Variants in BCAS3 observed in about 807,000 individuals in gnomAD.
BCAS3 encodes BCAS4/BCAS3 fusion.
Under a neutral mutation model 116.1 loss-of-function variants are expected in BCAS3, and 53 were observed. That is an observed-to-expected ratio of 0.46 (90% CI 0.37 to 0.57). The LOEUF (loss-of-function observed/expected upper bound fraction) is 0.57, where lower values mean the gene tolerates loss of function less well. BCAS3 is among the 20% of genes least tolerant of loss of function. The pLI, the probability that BCAS3 is intolerant of heterozygous loss-of-function variation, is 0.00. For synonymous variants in BCAS3, 391 were observed against 408.2 expected, an observed-to-expected ratio of 0.96 and a Z score of 0.51; for missense variants, 917 against 1,165.4, an observed-to-expected ratio of 0.79 and a Z score of 3.10.
intron 9 of BCAS3, among the ~76,000 whole-genome samples, chr17:60,877,662 T>G (rs1221659911): frequency 6.6e-6 from 1 of 152,218 alleles, no homozygotes; most frequent in Non-Finnish European, 1.5e-5. Context: ...TCTAGAGGGA[T>G]CAACAGTGTT....
At chr17:61,236,372 T>C (rs757515154) in intron 22 of BCAS3, among the ~76,000 whole-genome samples, 1 of 152,216 alleles carries the variant, frequency 6.6e-6, no homozygotes, top group East Asian at 1.9e-4. Context: ...CAGGCTGGAG[T>C]GCAGCGGTGT....
In BCAS3 at chr17:61,203,965, C is replaced by T. The variant is rs763393152; in HGVS notation, c.2425+119401C>T. On this transcript the variant is annotated intron_variant, in intron 22 of 23. Coordinates refer to ENST00000407086, the MANE Select transcript of BCAS3 (RefSeq NM_017679.5). The surrounding 1 kb of genome is among the most constrained non-coding windows in gnomAD (Gnocchi z 5.7). ...GGGGTTCAAGCTGGGAGGCAGTGCC[C>T]GGCCCCCTTCTTTCACAGCTGGGGT... Among the ~76,000 whole-genome samples the T allele has an allele frequency of 1.1e-4, 16 of 152,274 alleles. No individual in the cohort carries two copies. Among genetic ancestry groups the T allele is most frequent in the South Asian group, 6.2e-4 (3 of 4,822 alleles).
intron 13 of BCAS3, among the ~76,000 whole-genome samples, chr17:60,926,670 T>C (rs2059380915): frequency 6.6e-6 from 1 of 152,212 alleles, no homozygotes; most frequent in Non-Finnish European, 1.5e-5. Context: ...TGACTCATAT[T>C]GATATTCCAT....
intron 6 of BCAS3, among the ~76,000 whole-genome samples, chr17:60,790,838 G>A (rs547013396): frequency 3.4e-5 from 5 of 145,952 alleles, no homozygotes; most frequent in African/African-American, 1.0e-4. Context: ...CTGCCTCCCC[G>A]GTTTAAGCAA....
At position 61,045,944 on chromosome 17, in the gene BCAS3, T is replaced by TTATATATATA. The variant is rs2068120915; in HGVS notation, c.2029+5052_2029+5053insTATATATATA. Among the ~76,000 whole-genome samples, 2 of 14,092 alleles carry TTATATATATA rather than the reference T, an allele frequency of 1.4e-4. 1 individual carries two copies. The highest frequency in any genetic ancestry group is 2.1e-3 in the African/African-American group (2 of 944). 9.2% of individuals were successfully genotyped at this position (14,092 alleles called of 152,430 possible). On this transcript the variant is annotated intron_variant, in intron 19 of 23. Coordinates refer to ENST00000407086, the MANE Select transcript of BCAS3 (RefSeq NM_017679.5). ...ATATAATATATATAAATATATATATTATATATATAAATATATATATAATAT... is the reference window on the plus strand; with the variant it reads ...ATATAATATATATAAATATATATATTTATATATATAATATATATAAATATATATATAATAT...
In BCAS3 at chr17:61,087,108, G is replaced by T. The variant is rs1282127716; in HGVS notation, c.2425+2544G>T. ...TTGTTGTAGATTCTTCTGTTAAAAAGAATCTAATAAATTTTTATAATTGCT... is the reference window on the plus strand; with the variant it reads ...TTGTTGTAGATTCTTCTGTTAAAAATAATCTAATAAATTTTTATAATTGCT... On this transcript the variant is annotated intron_variant, in intron 22 of 23. Transcript: ENST00000407086. This position sits in a 1 kb window ranked among gnomAD's most constrained non-coding sequence, Gnocchi z 4.6. 1 of 984,236 alleles carries T rather than the reference G, an allele frequency of 1.0e-6. No homozygotes were observed. The highest frequency in any genetic ancestry group is 1.2e-6 in the Non-Finnish European group (1 of 829,022). 61.0% of individuals were successfully genotyped at this position (984,236 alleles called of 1,614,324 possible).
At chr17:61,025,363 G>A (rs751382633) in intron 16 of BCAS3, among the ~76,000 whole-genome samples, 10 of 152,090 alleles carry the variant, frequency 6.6e-5, no homozygotes, top group Non-Finnish European at 1.2e-4. Context: ...TGTTATCTAG[G>A]AGCTTATCGG....
chr17:61,093,647 G>A (rs761292895), intron 22 of BCAS3, among the ~76,000 whole-genome samples: 55 of 152,186 alleles, frequency 3.6e-4, no homozygotes, highest in Middle Eastern at 6.8e-3. Context: ...AGTTTCTTCC[G>A]GTTGCTCCCA....
chr17:60,867,119 T>TG (rs916933215), intron 7 of BCAS3, among the ~76,000 whole-genome samples: 5 of 151,744 alleles, frequency 3.3e-5, no homozygotes, highest in Admixed American at 2.0e-4. Context: ...TTTTTGTTTT[T>TG]TTTTTTTGAG....
intron 22 of BCAS3, among the ~76,000 whole-genome samples, chr17:61,216,060 T>C (rs1305087300): frequency 1.3e-5 from 2 of 152,272 alleles, no homozygotes; most frequent in African/African-American, 4.8e-5. Context: ...TATTGAATTT[T>C]ATTGCATAGA....
At chr17:60,678,221 C>A (rs552594809) in intron 1 of BCAS3, among the ~76,000 whole-genome samples, 1 of 152,100 alleles carries the variant, frequency 6.6e-6, no homozygotes, top group East Asian at 1.9e-4. Flanking sequence ...TTCGAGAAAG[C>A]AAGAATGGGA....
Position 61,132,497 on chromosome 17 carries a change from G to C in BCAS3, c.2425+47933G>C, listed in dbSNP as rs1385698914. Among the ~76,000 whole-genome samples the C allele has an allele frequency of 1.3e-5, 2 of 152,158 alleles. No individual in the cohort carries two copies. Among genetic ancestry groups the C allele is most frequent in the Non-Finnish European group, 2.9e-5 (2 of 68,018 alleles). On this transcript the variant is annotated intron_variant, in intron 22 of 23. Coordinates refer to ENST00000407086, the MANE Select transcript of BCAS3 (RefSeq NM_017679.5). This position sits in a 1 kb window ranked among gnomAD's most constrained non-coding sequence, Gnocchi z 5.1. ...TTAACCAAAATTCTGTTTTCTTTCA[G>C]AAGATTCCCTAACATTGGAATAAAT...
chr17:60,775,679 A>G (rs2045216788), intron 6 of BCAS3, among the ~76,000 whole-genome samples: 1 of 152,192 alleles, frequency 6.6e-6, no homozygotes, highest in Non-Finnish European at 1.5e-5. Context: ...AGACACACTA[A>G]TAAAAACCTT....
intron 7 of BCAS3, among the ~76,000 whole-genome samples, chr17:60,842,945 C>T (rs938290906): frequency 3.6e-4 from 54 of 151,374 alleles, no homozygotes; most frequent in African/African-American, 1.3e-3. Context: ...AATTATAGCT[C>T]ATTGCAGTCT....
At position 61,339,753 on chromosome 17, in the gene BCAS3, G is replaced by T. The variant is rs930132243; in HGVS notation, c.2426-28574G>T. On this transcript the variant is annotated intron_variant, in intron 22 of 23. Transcript: ENST00000407086. This position sits in a 1 kb window ranked among gnomAD's most constrained non-coding sequence, Gnocchi z 4.4. ...TGTACTCCAGTCGGGGCGACAAAGC[G>T]AGACCCCATCTAAAAAAAAAAAAAA... Among the ~76,000 whole-genome samples, 1 of 150,354 alleles carries T rather than the reference G, an allele frequency of 6.7e-6. No individual in the cohort carries two copies. The highest frequency in any genetic ancestry group is 2.5e-5 in the African/African-American group (1 of 40,814).
intron 6 of BCAS3, among the ~76,000 whole-genome samples, chr17:60,801,385 AT>A (rs1213069807): frequency 1.3e-5 from 2 of 151,274 alleles, no homozygotes; most frequent in Non-Finnish European, 3.0e-5. Context: ...TTTTTTTTTA[AT>A]TTTTTTTGTT....
chr17:61,089,688 G>A (rs1032507797), intron 22 of BCAS3, among the ~76,000 whole-genome samples: 24 of 151,462 alleles, frequency 1.6e-4, no homozygotes, highest in African/African-American at 4.4e-4. Context: ...GCGCCACCAC[G>A]CCCGGCTAAT....
At chr17:61,197,236 A>G (rs1157136799) in intron 22 of BCAS3, among the ~76,000 whole-genome samples, 1 of 152,214 alleles carries the variant, frequency 6.6e-6, no homozygotes, top group African/African-American at 2.4e-5. Flanking sequence ...TGAAGAAAAA[A>G]TTTGTTCTCA....
At chr17:61,340,185 G>A (rs1447930964) in intron 22 of BCAS3, among the ~76,000 whole-genome samples, 1 of 152,026 alleles carries the variant, frequency 6.6e-6, no homozygotes. Flanking sequence ...GTAACTAGAA[G>A]AGGAAATGAG....
Sources: gnomAD v4.1 joint callset for allele counts (sites outside exome capture counted in the v4.1 genomes callset) on GRCh38, gnomAD v4.1.1 for gene constraint, Gnocchi (gnomAD v3.1) non-coding constraint, MANE v1.5 for transcripts, NCBI Gene and HGNC (gene_info 2026-07-23, HGNC 2026-07-21) for gene names.